PPARGC1A: variants seen among roughly 807,000 people sequenced by gnomAD.
The protein encoded by PPARGC1A is peroxisome proliferator-activated receptor gamma coactivator 1-alpha.
A neutral mutation model predicts 88.7 loss-of-function variants in PPARGC1A; 25 were observed. That is an observed-to-expected ratio of 0.28 (90% CI 0.21 to 0.39). The LOEUF (loss-of-function observed/expected upper bound fraction) is 0.39, where lower values mean the gene tolerates loss of function less well. Among genes scored for constraint, PPARGC1A ranks in the 10% least tolerant of loss-of-function variants. PPARGC1A has a pLI of 1.00. For missense variants in PPARGC1A, 880 were observed against 968.7 expected (o/e 0.91, Z 1.22); for synonymous variants, 363 against 355.6 (o/e 1.02, Z -0.24).
chr4:23,834,641 C>A (rs917803126), intron 2 of PPARGC1A, among the ~76,000 whole-genome samples: 9 of 152,126 alleles, frequency 5.9e-5, no homozygotes, highest in African/African-American at 1.7e-4. Flanking sequence ...TTATTGAATA[C>A]CCTCAGGCCC....
chr4:24,059,449 T>C, the PPARGC1A span, among the ~76,000 whole-genome samples: 1 of 152,172 alleles, frequency 6.6e-6, no homozygotes, highest in South Asian at 2.1e-4. Flanking sequence ...TTTTCAAACA[T>C]TCCTCTAAAG....
chr4:24,382,358 T>G, the PPARGC1A span, among the ~76,000 whole-genome samples: 2 of 152,208 alleles, frequency 1.3e-5, no homozygotes. Flanking sequence ...GTTGCAAGAA[T>G]GAAGGAATAA....
At chr4:24,045,560 G>C in the PPARGC1A span, among the ~76,000 whole-genome samples, 4 of 152,056 alleles carry the variant, frequency 2.6e-5, no homozygotes. Flanking sequence ...AATCCTTGGT[G>C]CGCTACTTGG....
At chr4:24,410,300 C>T in the PPARGC1A span, among the ~76,000 whole-genome samples, 1 of 151,598 alleles carries the variant, frequency 6.6e-6, no homozygotes. Context: ...TACACATACA[C>T]ATATGTGTAT....
At chr4:24,366,764 C>A in the PPARGC1A span, among the ~76,000 whole-genome samples, 2 of 152,148 alleles carry the variant, frequency 1.3e-5, no homozygotes, top group South Asian at 2.1e-4. Flanking sequence ...TAGAAACCAA[C>A]AAAACCTAAC....
the PPARGC1A span, among the ~76,000 whole-genome samples, chr4:24,151,029 T>C: frequency 6.6e-6 from 1 of 152,218 alleles, no homozygotes; most frequent in African/African-American, 2.4e-5. Context: ...GTTTTAAAAG[T>C]CTACCATTCC....
the PPARGC1A span, among the ~76,000 whole-genome samples, chr4:24,253,977 TCTTA>T: frequency 1.3e-5 from 2 of 152,206 alleles, no homozygotes; most frequent in African/African-American, 4.8e-5. Context: ...TGCTCAAATA[TCTTA>T]CTATCTGCCA....
In PPARGC1A at chr4:23,841,195, A is replaced by C. The variant is rs114451116; in HGVS notation, c.235-9444T>G. ...GTCAAGATGCTTTCGTGAAGAGATA[A>C]TCATGCCAGACAAACCTACTCTCTG... On this transcript the variant is annotated intron_variant, in intron 2 of 12. Coordinates refer to ENST00000264867, the MANE Select transcript of PPARGC1A (RefSeq NM_013261.5). 2.8e-3 allele frequency among the ~76,000 whole-genome samples: 426 copies of C among 152,224 alleles called. 3 individuals carry two copies. The highest frequency in any genetic ancestry group is 9.8e-3 in the African/African-American group (405 of 41,538).
the PPARGC1A span, among the ~76,000 whole-genome samples, chr4:24,230,002 A>G: frequency 6.6e-6 from 1 of 152,232 alleles, no homozygotes; most frequent in Non-Finnish European, 1.5e-5. Flanking sequence ...CACTGCCAGC[A>G]TCAAAACTCA....
chr4:24,194,936 C>T, the PPARGC1A span, among the ~76,000 whole-genome samples: 1 of 152,200 alleles, frequency 6.6e-6, no homozygotes, highest in Non-Finnish European at 1.5e-5. Flanking sequence ...AACTAGCATT[C>T]TTCCTGGTTT....
chr4:23,811,800 T>C (rs1249454972), intron 10 of PPARGC1A, among the ~76,000 whole-genome samples: 1 of 148,902 alleles, frequency 6.7e-6, no homozygotes, highest in Non-Finnish European at 1.5e-5. Context: ...GGTGCTGAAA[T>C]CCATAAAATG....
At chr4:24,130,129 C>A in the PPARGC1A span, among the ~76,000 whole-genome samples, 1 of 151,960 alleles carries the variant, frequency 6.6e-6, no homozygotes, top group Non-Finnish European at 1.5e-5. Context: ...GCACATGTAC[C>A]CTAAAACTTA....
At chr4:24,113,757 T>G in the PPARGC1A span, among the ~76,000 whole-genome samples, 1 of 152,074 alleles carries the variant, frequency 6.6e-6, no homozygotes, top group African/African-American at 2.4e-5. Context: ...AGTGTGAAGA[T>G]GTGATACTTG....
At chr4:24,332,180 G>A in the PPARGC1A span, among the ~76,000 whole-genome samples, 1 of 151,656 alleles carries the variant, frequency 6.6e-6, no homozygotes, top group African/African-American at 2.4e-5. Flanking sequence ...GGCTCATTGT[G>A]TTGCCCAGGC....
chr4:23,904,137 C>T (rs750324722), upstream of PPARGC1A: 26 of 734,158 alleles, frequency 3.5e-5, no homozygotes, highest in African/African-American at 5.8e-5. Context: ...GGCATGGTGA[C>T]GTGGGAGGGC....
chr4:23,844,500 T>C (rs1166451852), intron 2 of PPARGC1A, among the ~76,000 whole-genome samples: 1 of 53,244 alleles, frequency 1.9e-5, no homozygotes, highest in Non-Finnish European at 3.7e-5. Flanking sequence ...TCATAATATA[T>C]AATATAATAA....
chr4:24,254,595 A>G, the PPARGC1A span, among the ~76,000 whole-genome samples: 1 of 152,206 alleles, frequency 6.6e-6, no homozygotes, highest in African/African-American at 2.4e-5. Context: ...AAATACAACC[A>G]ACTAAAAATA....
At chr4:24,433,424 G>T in the PPARGC1A span, among the ~76,000 whole-genome samples, 1 of 152,074 alleles carries the variant, frequency 6.6e-6, no homozygotes, top group African/African-American at 2.4e-5. Context: ...CATGAAATAG[G>T]TTACTGGGTT....
chr4:23,989,050 C>T, the PPARGC1A span, among the ~76,000 whole-genome samples: 2 of 150,704 alleles, frequency 1.3e-5, no homozygotes, highest in African/African-American at 4.9e-5. Flanking sequence ...GGGAACAAAT[C>T]TTACATTTGG....
Sources: allele counts gnomAD v4.1 joint callset (sites outside exome capture counted in the v4.1 genomes callset), GRCh38; gene constraint gnomAD v4.1.1; transcripts MANE v1.5; gene names NCBI Gene and HGNC (gene_info 2026-07-23, HGNC 2026-07-21).